The following LMNA variants were observed in gnomAD, a reference collection of about 807,000 sequenced individuals.
LMNA encodes lamin A/C.
In LMNA, 20 loss-of-function variants were observed where a neutral mutation model predicts 70.4. The ratio of observed to expected loss-of-function variants is 0.28; its 90% CI spans 0.20 to 0.41. LMNA has a LOEUF of 0.41. LMNA is among the 10% of genes least tolerant of loss of function. LMNA has a pLI of 1.00. For synonymous variants in LMNA, 339 were observed against 372.8 expected (o/e 0.91, Z 1.04); for missense variants, 652 against 917.2 (o/e 0.71, Z 3.73).
chr1:156,084,544 A>G (rs1451227946), intron 2 of LMNA, among the ~76,000 whole-genome samples: 1 of 152,126 alleles, frequency 6.6e-6, no homozygotes, highest in Non-Finnish European at 1.5e-5. Context: ...AGGAAGAATT[A>G]GAGAGACAGG....
rs184946451 is a variant in LMNA, at chr1:156,136,298, C to T, written c.1242C>T (p.Ser414=). 3 of 1,612,088 alleles carry T rather than the reference C, an allele frequency of 1.9e-6. No homozygotes were observed. The highest frequency in any genetic ancestry group is 2.2e-5 in the East Asian group (1 of 44,882). Residue 414 remains serine (S), a synonymous_variant, in exon 7 of 12, where the codon AGC becomes AGT. Coordinates refer to ENST00000368300, the MANE Select transcript of LMNA (RefSeq NM_170707.4). The surrounding 1 kb of genome is among the most constrained non-coding windows in gnomAD (Gnocchi z 6.1). ...SHSSQTQGGG[S]VTKKRKLEST... ...CATCCCAGACACAGGGTGGGGGCAG[C>T]GTCACCAAAAAGCGCAAACTGGAGT...
At chr1:156,091,804 T>TACCTG (rs1648713005) in intron 3 of LMNA, among the ~76,000 whole-genome samples, 2 of 152,054 alleles carry the variant, frequency 1.3e-5, no homozygotes, top group Admixed American at 1.3e-4. Context: ...TGATCATCAC[T>TACCTG]GCAAAGAAAG....
intron 1 of LMNA, among the ~76,000 whole-genome samples, chr1:156,123,744 C>T (rs543786645): frequency 1.3e-5 from 2 of 152,292 alleles, no homozygotes; most frequent in East Asian, 1.9e-4. Context: ...TTGCAGGGGG[C>T]GGCTGGTGAG....
At position 156,137,800 on chromosome 1, in the gene LMNA, G is replaced by A. The variant is rs557334569; in HGVS notation, c.1698+57G>A. 3.0e-5 allele frequency: 46 copies of A among 1,547,012 alleles called. No individual in the cohort carries two copies. In the East Asian group the frequency reaches 1.1e-3, roughly 36 times the overall value. On this transcript the variant is annotated intron_variant, in intron 10 of 11. Transcript: ENST00000368300. The surrounding 1 kb of genome is among the most constrained non-coding windows in gnomAD (Gnocchi z 4.6). ...GCACTGGGGCCACCCAGCCAGGCCT[G>A]GGGGCAGCCTCTCCCCAGCCTCCCC...
chr1:156,095,222 C>G (rs916611787), intron 3 of LMNA, among the ~76,000 whole-genome samples: 1 of 152,122 alleles, frequency 6.6e-6, no homozygotes, highest in African/African-American at 2.4e-5. Flanking sequence ...AGCCACTGCA[C>G]CCGGCCAACT....
chr1:156,093,224 T>C (rs967997214), intron 3 of LMNA, among the ~76,000 whole-genome samples: 2 of 151,778 alleles, frequency 1.3e-5, no homozygotes, highest in Non-Finnish European at 2.9e-5. Context: ...TGGCCTGTGC[T>C]ATCATCATCT....
chr1:156,101,529 GA>G (rs2102799236), intron 3 of LMNA, among the ~76,000 whole-genome samples: 1 of 151,906 alleles, frequency 6.6e-6, no homozygotes, highest in East Asian at 1.9e-4. Flanking sequence ...GGGAGGGAGG[GA>G]ATCACTGTGG....
chr1:156,106,504 G>A (rs1295431087), intron 3 of LMNA, among the ~76,000 whole-genome samples: 1 of 152,252 alleles, frequency 6.6e-6, no homozygotes, highest in Admixed American at 6.5e-5. Flanking sequence ...CAGCCGTCAG[G>A]CCCTCGCTGC....
At chr1:156,128,981 C>A (rs532715484) in intron 1 of LMNA, among the ~76,000 whole-genome samples, 1 of 152,208 alleles carries the variant, frequency 6.6e-6, no homozygotes, top group African/African-American at 2.4e-5. Context: ...GCTTCAGCTT[C>A]GGAAAAGTTC....
Position 156,115,349 on chromosome 1 carries a change from A to G in LMNA, c.356+75A>G, listed in dbSNP as rs1649754217. ...CGGGCCGGCGCCCCTGGCCGGCCGCAGGAAGGGAGTGAGAGGGCCTGGAGG... is the reference window on the plus strand; with the variant it reads ...CGGGCCGGCGCCCCTGGCCGGCCGCGGGAAGGGAGTGAGAGGGCCTGGAGG... On this transcript the variant is annotated intron_variant, in intron 1 of 11. Transcript: ENST00000368300. The surrounding 1 kb of genome is among the most constrained non-coding windows in gnomAD (Gnocchi z 5.8). The G allele has an allele frequency of 7.4e-7, 1 of 1,360,262 alleles. No individual in the cohort carries two copies. Among genetic ancestry groups the G allele is most frequent in the African/African-American group, 1.4e-5 (1 of 70,088 alleles). 84.3% of individuals were successfully genotyped at this position (1,360,262 alleles called of 1,614,324 possible). A position where few individuals can be genotyped will look rare whatever the true frequency, so the allele number is the denominator to read the frequency against.
chr1:156,111,836 C>T (rs1272484867), upstream of LMNA, among the ~76,000 whole-genome samples: 3 of 152,208 alleles, frequency 2.0e-5, no homozygotes, highest in African/African-American at 4.8e-5. Context: ...AGAATGTGGT[C>T]ACCCTCTAGC....
At chr1:156,095,652 C>T (rs1451778610) in intron 3 of LMNA, among the ~76,000 whole-genome samples, 3 of 152,166 alleles carry the variant, frequency 2.0e-5, no homozygotes, top group Non-Finnish European at 4.4e-5. Flanking sequence ...CCACTGCGCC[C>T]GGTGTCCAAG....
chr1:156,114,270 A>T (rs560445360), upstream of LMNA, among the ~76,000 whole-genome samples: 4 of 152,280 alleles, frequency 2.6e-5, no homozygotes, highest in South Asian at 8.3e-4. Context: ...AGGGGGAGCC[A>T]GTGGTGGAAG....
intron 2 of LMNA, among the ~76,000 whole-genome samples, chr1:156,132,902 C>T (rs1165025968): frequency 8.8e-5 from 13 of 147,978 alleles, no homozygotes; most frequent in African/African-American, 2.3e-4. Context: ...TGCAATGGCA[C>T]GATCTCAGCT....
At chr1:156,085,142 G>A (rs1251009275) in intron 2 of LMNA, among the ~76,000 whole-genome samples, 2 of 152,248 alleles carry the variant, frequency 1.3e-5, no homozygotes, top group Non-Finnish European at 2.9e-5. Flanking sequence ...GGCACCTGGA[G>A]GGCAAAGGAT....
intron 1 of LMNA, among the ~76,000 whole-genome samples, chr1:156,129,659 C>T (rs1650875605): frequency 6.6e-6 from 1 of 152,178 alleles, no homozygotes; most frequent in Non-Finnish European, 1.5e-5. Context: ...GCAATTGTAA[C>T]ATCTAGAAAG....
At chr1:156,126,556 A>G (rs1650594041) in intron 1 of LMNA, 1 of 768,476 alleles carries the variant, frequency 1.3e-6, no homozygotes, top group African/African-American at 1.7e-5. Flanking sequence ...TTCTTCCCCA[A>G]ACAGCCCCAA....
rs941656503 is a variant in LMNA, at chr1:156,139,771, CAA to C, written c.*666_*667del. On this transcript the variant is annotated 3_prime_UTR_variant, in exon 12 of 12. Transcript: ENST00000368300. ...CTTGCTTTTCTGTATTTTATTTAGA[CAA>C]GAGATGGGAATGAGGTGGGAGGTGG... 4.1e-5 allele frequency: 63 copies of C among 1,532,000 alleles called. No individual in the cohort carries two copies. The highest frequency in any genetic ancestry group is 5.5e-5 in the Non-Finnish European group (63 of 1,145,176). The allele number at this position is 1,532,000 out of a possible 1,614,324, so 94.9% of individuals were successfully genotyped here.
chr1:156,122,839 C>T (rs1650288704), intron 1 of LMNA, among the ~76,000 whole-genome samples: 1 of 152,226 alleles, frequency 6.6e-6, no homozygotes, highest in Non-Finnish European at 1.5e-5. Context: ...TACTGGCTCC[C>T]CCAACCTGCG....
Sources: allele counts gnomAD v4.1 joint callset (sites outside exome capture counted in the v4.1 genomes callset), GRCh38; gene constraint gnomAD v4.1.1; non-coding constraint Gnocchi (gnomAD v3.1); transcripts MANE v1.5; gene names NCBI Gene and HGNC (gene_info 2026-07-23, HGNC 2026-07-21).